Variants in PRELID2 observed in about 807,000 individuals in gnomAD.
PRELID2 encodes PRELI domain-containing protein 2.
A neutral mutation model predicts 28.4 loss-of-function variants in PRELID2; 25 were observed. That is an observed-to-expected ratio of 0.88 (90% CI 0.64 to 1.23). The LOEUF (loss-of-function observed/expected upper bound fraction) is 1.23. Among genes scored for constraint, PRELID2 ranks in the 50% most tolerant of loss-of-function variants. The pLI, the probability that PRELID2 is intolerant of heterozygous loss-of-function variation, is 0.00. For synonymous variants in PRELID2, 76 were observed against 71.6 expected, an observed-to-expected ratio of 1.06 and a Z score of -0.31; for missense variants, 201 against 214.4, an observed-to-expected ratio of 0.94 and a Z score of 0.39.
chr5:145,413,918 A>G, the PRELID2 span, among the ~76,000 whole-genome samples: 3 of 152,100 alleles, frequency 2.0e-5, no homozygotes, highest in Admixed American at 2.0e-4. Context: ...TGTCTATATA[A>G]CACATCTTTA....
At chr5:145,685,615 C>T (rs1182842940) in intron 1 of PRELID2, among the ~76,000 whole-genome samples, 2 of 152,082 alleles carry the variant, frequency 1.3e-5, no homozygotes, top group Non-Finnish European at 2.9e-5. Context: ...TTCAGGAGTG[C>T]TATAAAACAT....
Position 145,593,813 on chromosome 5 carries a change from G to C in PRELID2, n.71-120498C>G, listed in dbSNP as rs111327360. 8.0e-3 allele frequency among the ~76,000 whole-genome samples: 1,225 copies of C among 152,272 alleles called. 26 individuals are homozygous for C. Among genetic ancestry groups the C allele is most frequent in the African/African-American group, 0.028 (1,176 of 41,552 alleles). ...TGTGGTAGATGAACTCATTGATTAA[G>C]AGAGACTCAAGTGATATATCATTTA... On this transcript the variant is annotated intron_variant and non_coding_transcript_variant, in intron 1 of 2. Transcript: ENST00000510259.
At chr5:145,803,688 T>C (rs1753300168) in intron 4 of PRELID2, among the ~76,000 whole-genome samples, 1 of 145,046 alleles carries the variant, frequency 6.9e-6, no homozygotes, top group Non-Finnish European at 1.5e-5. Context: ...ACATTAGTAA[T>C]AATTATGCTG....
At chr5:145,307,661 G>T in the PRELID2 span, among the ~76,000 whole-genome samples, 1 of 152,138 alleles carries the variant, frequency 6.6e-6, no homozygotes, top group Admixed American at 6.5e-5. Context: ...AGGTCATTCA[G>T]TTCAGCATGG....
the PRELID2 span, among the ~76,000 whole-genome samples, chr5:145,391,988 C>A: frequency 1.3e-5 from 2 of 152,172 alleles, no homozygotes; most frequent in Non-Finnish European, 2.9e-5. Context: ...TGCCATCCAA[C>A]AAGTCTCTAG....
At position 145,653,341 on chromosome 5, in the gene PRELID2, CA is replaced by C. The variant is rs1754333437; in HGVS notation, n.70+111589del. ...CCACTGTCAATATTAGACAGATCAA[CA>C]AGACAGAAAATTAACAAGGATATCC... On this transcript the variant is annotated intron_variant and non_coding_transcript_variant, in intron 1 of 2. Transcript: ENST00000510259. Among the ~76,000 whole-genome samples the C allele has an allele frequency of 2.0e-5, 3 of 152,156 alleles. No individual in the cohort carries two copies. The South Asian group carries it at 6.2e-4, about 32-fold the overall frequency.
the PRELID2 span, among the ~76,000 whole-genome samples, chr5:145,416,514 C>T: frequency 6.6e-6 from 1 of 151,988 alleles, no homozygotes; most frequent in African/African-American, 2.4e-5. Context: ...TCGCAACCTA[C>T]TCATCTGACA....
chr5:145,396,536 T>A, the PRELID2 span, among the ~76,000 whole-genome samples: 1 of 150,928 alleles, frequency 6.6e-6, no homozygotes. Context: ...GTATTTGTCC[T>A]ATAAAGCCTA....
At chr5:145,293,105 G>A in the PRELID2 span, among the ~76,000 whole-genome samples, 1 of 152,072 alleles carries the variant, frequency 6.6e-6, no homozygotes, top group Admixed American at 6.6e-5. Flanking sequence ...CTATAACTGA[G>A]TAATTGTGCC....
chr5:145,331,621 T>C, the PRELID2 span, among the ~76,000 whole-genome samples: 25 of 152,196 alleles, frequency 1.6e-4, no homozygotes, highest in Admixed American at 2.0e-4. Context: ...TTCATTTGCT[T>C]GGTAAGTCTT....
At chr5:145,651,078 T>A (rs1049475685) in intron 1 of PRELID2, among the ~76,000 whole-genome samples, 1 of 152,150 alleles carries the variant, frequency 6.6e-6, no homozygotes, top group African/African-American at 2.4e-5. Flanking sequence ...GCTTTTCCAA[T>A]GGTATTAGCA....
intron 1 of PRELID2, among the ~76,000 whole-genome samples, chr5:145,538,943 T>C (rs1478941835): frequency 1.3e-5 from 2 of 151,950 alleles, no homozygotes; most frequent in African/African-American, 4.8e-5. Context: ...CCTCACTGCA[T>C]AACTCAGAAT....
intron 4 of PRELID2, among the ~76,000 whole-genome samples, chr5:145,805,497 T>C (rs1753433868): frequency 6.6e-6 from 1 of 152,146 alleles, no homozygotes; most frequent in Non-Finnish European, 1.5e-5. Flanking sequence ...AAAATGTCGA[T>C]TTTTCATGAG....
the PRELID2 span, among the ~76,000 whole-genome samples, chr5:145,428,415 G>A: frequency 6.6e-6 from 1 of 151,856 alleles, no homozygotes; most frequent in African/African-American, 2.4e-5. Context: ...AGGCTCTGGA[G>A]ATATTCAAGT....
chr5:145,557,841 C>T (rs1344666919), intron 1 of PRELID2, among the ~76,000 whole-genome samples: 1 of 152,298 alleles, frequency 6.6e-6, no homozygotes, highest in Admixed American at 6.5e-5. Context: ...TGACTCTATA[C>T]TTTTATCTAC....
chr5:145,675,235 T>C (rs937315938), intron 1 of PRELID2, among the ~76,000 whole-genome samples: 1 of 152,132 alleles, frequency 6.6e-6, no homozygotes, highest in Admixed American at 6.5e-5. Context: ...GGGCAAGAGA[T>C]ATAAAGAGAT....
chr5:145,493,450 A>G (rs377381952), intron 1 of PRELID2, among the ~76,000 whole-genome samples: 2 of 152,302 alleles, frequency 1.3e-5, no homozygotes, highest in South Asian at 4.1e-4. Context: ...CTATTGCTTC[A>G]GTGTCCTGAT....
chr5:145,584,690 C>T (rs1257039909), intron 1 of PRELID2, among the ~76,000 whole-genome samples: 1 of 151,974 alleles, frequency 6.6e-6, no homozygotes, highest in Non-Finnish European at 1.5e-5. Flanking sequence ...AAAAGCTCAA[C>T]ATCACTGATC....
chr5:145,528,734 G>C (rs1580968908), intron 1 of PRELID2, among the ~76,000 whole-genome samples: 2 of 146,282 alleles, frequency 1.4e-5, no homozygotes, highest in African/African-American at 5.5e-5. Context: ...CACAGAGAGA[G>C]AGAGAGAGAG....
Sources: allele counts gnomAD v4.1 joint callset (sites outside exome capture counted in the v4.1 genomes callset), GRCh38; gene constraint gnomAD v4.1.1; transcripts MANE v1.5; gene names NCBI Gene and HGNC (gene_info 2026-07-23, HGNC 2026-07-21).